Variants in SYNE2 observed in about 807,000 individuals in gnomAD.
SYNE2 encodes the protein spectrin repeat containing nuclear envelope protein 2.
A neutral mutation model predicts 856.3 loss-of-function variants in SYNE2; 431 were observed. The observed-to-expected ratio is 0.50, with a 90% CI of 0.47 to 0.55. SYNE2 has a LOEUF of 0.55. Among genes scored for constraint, SYNE2 ranks in the 20% least tolerant of loss-of-function variants. The pLI is 0.00. For missense variants in SYNE2, 8,129 were observed against 8,023.2 expected, an observed-to-expected ratio of 1.01 and a Z score of -0.50; for synonymous variants, 2,923 against 2,872.3, an observed-to-expected ratio of 1.02 and a Z score of -0.56.
intron 1 of SYNE2, among the ~76,000 whole-genome samples, chr14:63,881,482 C>T (rs1222346534): frequency 6.6e-6 from 1 of 151,558 alleles, no homozygotes; most frequent in East Asian, 1.9e-4. Flanking sequence ...GACCCTGTCT[C>T]TACAATAAAT....
chr14:63,930,049 C>T (rs1215414743), intron 2 of SYNE2, among the ~76,000 whole-genome samples: 1 of 151,928 alleles, frequency 6.6e-6, no homozygotes, highest in Admixed American at 6.6e-5. Flanking sequence ...CTTTGAGAGG[C>T]TAAGTTGGGA....
chr14:64,175,675 A>T (rs1240849775), intron 95 of SYNE2, among the ~76,000 whole-genome samples: 1 of 152,104 alleles, frequency 6.6e-6, no homozygotes, highest in Non-Finnish European at 1.5e-5. Context: ...TATGGTTTTT[A>T]TCATTTTTCT....
chr14:64,225,170 G>A, intron 115 of SYNE2, 125 bp downstream of exon 115: 1 of 1,547,318 alleles, frequency 6.5e-7, no homozygotes, highest in Non-Finnish European at 8.9e-7. Context: ...GAAAGGGCTG[G>A]TTTTCTCCTC....
chr14:63,911,577 A>ATTAC (rs1187611827), intron 2 of SYNE2, among the ~76,000 whole-genome samples: 1 of 152,210 alleles, frequency 6.6e-6, no homozygotes, highest in Non-Finnish European at 1.5e-5. Flanking sequence ...GAAAGAATGA[A>ATTAC]TTACTTGCCC....
chr14:63,928,421 T>A (rs2095700028), intron 2 of SYNE2, among the ~76,000 whole-genome samples: 1 of 152,264 alleles, frequency 6.6e-6, no homozygotes, highest in Non-Finnish European at 1.5e-5. Flanking sequence ...AGTTACCTCC[T>A]AAACTCATTC....
At chr14:64,118,146 C>T (rs1436117511) in intron 66 of SYNE2, among the ~76,000 whole-genome samples, 2 of 152,094 alleles carry the variant, frequency 1.3e-5, no homozygotes, top group East Asian at 1.9e-4. Flanking sequence ...TCCTTAAATT[C>T]GCTCAATGAA....
At chr14:64,024,234 A>C (rs1333284968) in intron 38 of SYNE2, 23 bp from the exon 39 acceptor site, 1 of 1,612,220 alleles carries the variant, frequency 6.2e-7, no homozygotes, top group African/African-American at 1.3e-5. Flanking sequence ...GGAGATTGTA[A>C]TGGACTTTTT....
intron 87 of SYNE2, among the ~76,000 whole-genome samples, chr14:64,160,908 A>G (rs1567504403): frequency 1.3e-5 from 2 of 152,194 alleles, no homozygotes; most frequent in Non-Finnish European, 2.9e-5. Flanking sequence ...TTAACTATCC[A>G]TACTAAACAG....
chr14:64,210,209 C>T (rs1436934453), intron 103 of SYNE2, 85 bp downstream of exon 103: 2 of 1,493,572 alleles, frequency 1.3e-6, no homozygotes, highest in East Asian at 4.8e-5. Context: ...TGGCACAAAG[C>T]AGCAGGTAGA....
intron 1 of SYNE2, among the ~76,000 whole-genome samples, chr14:63,886,715 G>A (rs1166443674): frequency 1.3e-5 from 2 of 152,052 alleles, no homozygotes; most frequent in Admixed American, 1.3e-4. Context: ...GCTGGAGTGT[G>A]GTGGTCAAAT....
chr14:64,060,489 C>G lies in SYNE2; in HGVS notation c.10068-2262C>G, dbSNP rs998920908. On this transcript the variant is annotated intron_variant, in intron 49 of 115. Transcript: ENST00000555002. ...GGGGCCTCATGACTCTGCCCAGTAC[C>G]CAGTCCTACTTAGCTGGTATCCAAG... Among the ~76,000 whole-genome samples the G allele has an allele frequency of 2.6e-5, 4 of 152,274 alleles. No homozygotes were observed. In the East Asian group the frequency reaches 7.7e-4, roughly 29 times the overall value.
At position 64,053,640 on chromosome 14, in the gene SYNE2, A is replaced by G; in HGVS notation, c.9727A>G (p.Ser3243Gly). ...FEDLQMQLNT[S>G]IDLRTNVLND... is the part of the protein sequence containing the mutation. Reference sequence around the variant, plus strand: ...AGATCTTCAGATGCAGCTTAACACAAGCATTGATTTGCGCACAGTAAGTTT... The same window carrying G: ...AGATCTTCAGATGCAGCTTAACACAGGCATTGATTTGCGCACAGTAAGTTT... Residue 3243 changes from serine (S) to glycine (G), a missense_variant, in exon 48 of 116, where the codon AGC becomes GGC. By Grantham distance (56) the Ser-to-Gly change is moderately conservative. This residue lies in a region of SYNE2 where 5,410 missense variants were observed against 5,284.8 expected (regional missense o/e 1.02). Transcript: ENST00000555002. 6.2e-7 allele frequency: 1 copy of G among 1,613,542 alleles called. No individual in the cohort carries two copies. The highest frequency in any genetic ancestry group is 1.1e-5 in the South Asian group (1 of 90,952).
intron 16 of SYNE2, among the ~76,000 whole-genome samples, chr14:63,981,888 C>A (rs189655259): frequency 6.6e-5 from 10 of 152,118 alleles, no homozygotes; most frequent in Non-Finnish European, 1.2e-4. Context: ...GAGCATTTTA[C>A]GGGTTGAGTC....
chr14:64,197,450 A>G lies in SYNE2; in HGVS notation c.18039-5351A>G, dbSNP rs373399940. On this transcript the variant is annotated intron_variant, in intron 99 of 115. Coordinates refer to ENST00000555002, the MANE Select transcript of SYNE2 (RefSeq NM_182914.3). ...GGGCTTCAGGATCTTGGAGTAATGC[A>G]TTATTTTGCCATAAGGATGTTTAGT... is the stretch of plus-strand genomic sequence containing the variant. Among the ~76,000 whole-genome samples, 11 of 152,282 alleles carry G rather than the reference A, an allele frequency of 7.2e-5. No homozygotes were observed. In the East Asian group the frequency reaches 7.7e-4, roughly 11 times the overall value.
At chr14:64,011,959 C>T (rs1189628853) in intron 32 of SYNE2, among the ~76,000 whole-genome samples, 2 of 152,158 alleles carry the variant, frequency 1.3e-5, no homozygotes, top group African/African-American at 4.8e-5. Flanking sequence ...TCACCTCTGT[C>T]CTCAGCTGTA....
rs1306526579 is a variant in SYNE2, at chr14:64,021,753, CAG to C, written c.5353-99_5353-98del. On this transcript the variant is annotated intron_variant, in intron 36 of 115. Transcript: ENST00000555002. Reference sequence around the variant, plus strand: ...GCAAAGAGAAAGTGAATCCACTCAACAGAGAGTCATTGAGATTTTTACAAAAC... The same window carrying C: ...GCAAAGAGAAAGTGAATCCACTCAACAGAGTCATTGAGATTTTTACAAAAC... The C allele has an allele frequency of 9.4e-6, 12 of 1,278,698 alleles. No individual in the cohort carries two copies. In the East Asian group the frequency reaches 1.2e-4, roughly 13 times the overall value. The allele number at this position is 1,278,698 out of a possible 1,614,324, so 79.2% of individuals were successfully genotyped here. A position where few individuals can be genotyped will look rare whatever the true frequency, so the allele number is the denominator to read the frequency against.
In SYNE2 at chr14:64,225,629, G is replaced by C; in HGVS notation, c.*103G>C. The C allele has an allele frequency of 6.9e-6, 9 of 1,298,336 alleles. No homozygotes were observed. The highest frequency in any genetic ancestry group is 9.8e-6 in the Non-Finnish European group (9 of 914,676). 80.4% of individuals were successfully genotyped at this position (1,298,336 alleles called of 1,614,324 possible). A position where few individuals can be genotyped will look rare whatever the true frequency, so the allele number is the denominator to read the frequency against. ...AGTGACTTAGTGTTGGCAAGGTCCC[G>C]GGACCTGTGCAGACTTCTTCTGGGC... On this transcript the variant is annotated 3_prime_UTR_variant, in exon 116 of 116. Transcript: ENST00000555002.
At chr14:63,877,501 C>T (rs376296537) in intron 1 of SYNE2, among the ~76,000 whole-genome samples, 34 of 152,132 alleles carry the variant, frequency 2.2e-4, no homozygotes, top group African/African-American at 6.7e-4. Flanking sequence ...CATATTTTGC[C>T]GTAGTAGAGA....
chr14:63,829,454 C>G (rs750704384), intron 1 of SYNE2, among the ~76,000 whole-genome samples: 1 of 151,890 alleles, frequency 6.6e-6, no homozygotes, highest in East Asian at 1.9e-4. Flanking sequence ...AAAAGTCTAG[C>G]GTTTCTTCTT....
Sources: gnomAD v4.1 joint callset for allele counts (sites outside exome capture counted in the v4.1 genomes callset) on GRCh38, gnomAD v4.1.1 for gene constraint, gnomAD v4.1.1 regional missense constraint, MANE v1.5 for transcripts, NCBI Gene and HGNC (gene_info 2026-07-23, HGNC 2026-07-21) for gene names.